The following TMEM170B variants were observed in gnomAD, a reference collection of about 807,000 sequenced individuals.
The protein encoded by TMEM170B is transmembrane protein 170B.
A neutral mutation model predicts 13.0 loss-of-function variants in TMEM170B; 6 were observed. The observed-to-expected ratio is 0.46, with a 90% CI of 0.25 to 0.91. The LOEUF is 0.91. Ranked by LOEUF, TMEM170B falls within the 40% of genes least tolerant of loss-of-function variation. The probability of loss-of-function intolerance (pLI) is 0.17; values close to 1 mark genes in which losing one functional copy is unlikely to be tolerated. For synonymous variants in TMEM170B, 61 were observed against 64.9 expected (o/e 0.94, Z 0.29); for missense variants, 138 against 165.2 (o/e 0.84, Z 0.90).
rs1445559641 is a variant in TMEM170B, at chr6:11,582,057, G to T, written c.*6496G>T. On this transcript the variant is annotated 3_prime_UTR_variant, in exon 3 of 3. Transcript: ENST00000379426. ...TTAGATGAACAAATAGGAAATTCAC[G>T]GTATTTTTTGTTTTAGCCATCCAAA... 2 of 152,018 alleles carry T rather than the reference G, an allele frequency of 1.3e-5. No individual in the cohort carries two copies. Among genetic ancestry groups the T allele is most frequent in the Non-Finnish European group, 2.9e-5 (2 of 67,978 alleles). The allele number at this position is 152,018 out of a possible 1,614,324, so 9.4% of individuals were successfully genotyped here.
intron 2 of TMEM170B, among the ~76,000 whole-genome samples, chr6:11,566,349 G>A (rs1225507761): frequency 6.6e-6 from 1 of 152,186 alleles, no homozygotes; most frequent in Non-Finnish European, 1.5e-5. Context: ...GTTTCCTGCT[G>A]TGCTGCCTCA....
At chr6:11,546,125 G>A (rs959519676) in intron 1 of TMEM170B, among the ~76,000 whole-genome samples, 2 of 151,204 alleles carry the variant, frequency 1.3e-5, no homozygotes, top group Admixed American at 6.6e-5. Context: ...CTCCCTGCCT[G>A]TCATTGCCCC....
chr6:11,568,917 A>G (rs890048473), intron 2 of TMEM170B, among the ~76,000 whole-genome samples: 7 of 152,080 alleles, frequency 4.6e-5, no homozygotes, highest in Non-Finnish European at 1.5e-5. Flanking sequence ...GATTTTTCAT[A>G]TAGTGTTTTT....
chr6:11,560,776 A>T (rs917078163), intron 1 of TMEM170B, among the ~76,000 whole-genome samples: 1 of 152,170 alleles, frequency 6.6e-6, no homozygotes, highest in Admixed American at 6.5e-5. Context: ...ACAGATATGA[A>T]AATGTACTTT....
chr6:11,542,652 CA>C (rs2113760765), intron 1 of TMEM170B, among the ~76,000 whole-genome samples: 3 of 152,304 alleles, frequency 2.0e-5, no homozygotes, highest in African/African-American at 7.2e-5. Flanking sequence ...CATCTCTTCT[CA>C]ACAGTGGCAG....
chr6:11,560,676 A>G (rs1311973613), intron 1 of TMEM170B, among the ~76,000 whole-genome samples: 2 of 152,052 alleles, frequency 1.3e-5, no homozygotes, highest in East Asian at 3.8e-4. Flanking sequence ...TTAAAATAGT[A>G]AAGAATGTAT....
Position 11,555,874 on chromosome 6 carries a change from A to G in TMEM170B, c.98-9792A>G, listed in dbSNP as rs181016729. ...AAGTCTCACTAAAGACTGAGGTACA[A>G]GGCCGGGCGCGGTGGCTCACGCCTG... On this transcript the variant is annotated intron_variant, in intron 1 of 2. Coordinates refer to ENST00000379426, the MANE Select transcript of TMEM170B (RefSeq NM_001100829.3). 5.0e-3 allele frequency among the ~76,000 whole-genome samples: 2 copies of G among 400 alleles called. 1 individual carries two copies. Among genetic ancestry groups the G allele is most frequent in the Non-Finnish European group, 1 (2 of 2 alleles). The allele number at this position is 400 out of a possible 152,430, so 0.3% of individuals were successfully genotyped here.
chr6:11,538,137 A>T lies in TMEM170B; in HGVS notation c.-141A>T. 1 of 183,290 alleles carries T rather than the reference A, an allele frequency of 5.5e-6. No individual in the cohort carries two copies. The highest frequency in any genetic ancestry group is 1.1e-5 in the Non-Finnish European group (1 of 93,154). 11.4% of individuals were successfully genotyped at this position (183,290 alleles called of 1,614,324 possible). A position where few individuals can be genotyped will look rare whatever the true frequency, so the allele number is the denominator to read the frequency against. On this transcript the variant is annotated 5_prime_UTR_variant, in exon 1 of 3. Transcript: ENST00000379426. Reference sequence around the variant, plus strand: ...GAGGCCCTCCGGCTGCAGCAGCAGCAGCGCCCGGCCCGGCGTCCCGCAGCC... The same window carrying T: ...GAGGCCCTCCGGCTGCAGCAGCAGCTGCGCCCGGCCCGGCGTCCCGCAGCC...
chr6:11,538,446 G>GTGTCCCCTCCC, intron 1 of TMEM170B, 72 bp downstream of exon 1: 1 of 1,176,506 alleles, frequency 8.5e-7, no homozygotes, highest in African/African-American at 1.6e-5. Context: ...CCTCGGGAGG[G>GTGTCCCCTCCC]GACACGCTCC....
chr6:11,574,046 A>T (rs1759840592), intron 2 of TMEM170B, among the ~76,000 whole-genome samples: 1 of 152,142 alleles, frequency 6.6e-6, no homozygotes, highest in Non-Finnish European at 1.5e-5. Flanking sequence ...ATATGAAGTG[A>T]TAGAATGATT....
chr6:11,543,990 A>AT (rs1406335421), intron 1 of TMEM170B, among the ~76,000 whole-genome samples: 2 of 152,182 alleles, frequency 1.3e-5, no homozygotes, highest in African/African-American at 4.8e-5. Context: ...ACATCTTAAC[A>AT]TTTTACAGCC....
At chr6:11,570,786 A>G (rs1230780073) in intron 2 of TMEM170B, among the ~76,000 whole-genome samples, 1 of 152,204 alleles carries the variant, frequency 6.6e-6, no homozygotes, top group Non-Finnish European at 1.5e-5. Context: ...GATGAGGGCT[A>G]CACCAGAACC....
chr6:11,560,257 T>G (rs980884338), intron 1 of TMEM170B, among the ~76,000 whole-genome samples: 1 of 151,886 alleles, frequency 6.6e-6, no homozygotes, highest in African/African-American at 2.4e-5. Flanking sequence ...CTCCACCTCC[T>G]GGGTTCACAC....
intron 1 of TMEM170B, among the ~76,000 whole-genome samples, chr6:11,546,365 GTTAAAAC>G (rs146319048): frequency 0.03 from 4,579 of 152,206 alleles, 85 homozygotes; most frequent in Middle Eastern, 0.061. Context: ...TAGTTAAAAA[GTTAAAAC>G]TTAAAAGTTT....
chr6:11,583,499 A>T lies in TMEM170B; in HGVS notation c.*7938A>T, dbSNP rs1759984754. 6.6e-6 allele frequency: 1 copy of T among 152,218 alleles called. No individual in the cohort carries two copies. The highest frequency in any genetic ancestry group is 6.5e-5 in the Admixed American group (1 of 15,280). The allele number at this position is 152,218 out of a possible 1,614,324, so 9.4% of individuals were successfully genotyped here. A position where few individuals can be genotyped will look rare whatever the true frequency, so the allele number is the denominator to read the frequency against. Reference sequence around the variant, plus strand: ...TATTCAATTTCATGCACTTATATATAAATAAACCTGTCTTTGAAAGCTTTA... The same window carrying T: ...TATTCAATTTCATGCACTTATATATTAATAAACCTGTCTTTGAAAGCTTTA... On this transcript the variant is annotated 3_prime_UTR_variant, in exon 3 of 3. Coordinates refer to ENST00000379426, the MANE Select transcript of TMEM170B (RefSeq NM_001100829.3).
At chr6:11,570,954 T>TA (rs1561689152) in intron 2 of TMEM170B, among the ~76,000 whole-genome samples, 1 of 152,220 alleles carries the variant, frequency 6.6e-6, no homozygotes, top group East Asian at 1.9e-4. Context: ...AAAATCACTT[T>TA]AAAAATGTGA....
intron 1 of TMEM170B, among the ~76,000 whole-genome samples, chr6:11,539,516 A>G (rs1759331025): frequency 6.6e-6 from 1 of 152,224 alleles, no homozygotes; most frequent in South Asian, 2.1e-4. Flanking sequence ...ATGGAATTAT[A>G]TACCACAAAA....
rs913049074 is a variant in TMEM170B, at chr6:11,575,330, CTT to C, written c.269-100_269-99del. On this transcript the variant is annotated intron_variant, in intron 2 of 2. Coordinates refer to ENST00000379426, the MANE Select transcript of TMEM170B (RefSeq NM_001100829.3). This position sits in a 1 kb window ranked among gnomAD's most constrained non-coding sequence, Gnocchi z 4.1. ...GGATAAAATGAGAAAAAAATGATGA[CTT>C]ATGTTTTGATGAAATGAAAAGAGCT... The C allele has an allele frequency of 8.3e-6, 12 of 1,438,758 alleles. No homozygotes were observed. In the African/African-American group the frequency reaches 8.6e-5, roughly 10 times the overall value. The allele number at this position is 1,438,758 out of a possible 1,614,324, so 89.1% of individuals were successfully genotyped here.
At chr6:11,540,045 T>A (rs530145951) in intron 1 of TMEM170B, among the ~76,000 whole-genome samples, 1 of 152,370 alleles carries the variant, frequency 6.6e-6, no homozygotes, top group East Asian at 1.9e-4. Flanking sequence ...AAAAATACTT[T>A]ATTGCTGAAA....
Sources: allele counts gnomAD v4.1 joint callset (sites outside exome capture counted in the v4.1 genomes callset), GRCh38; gene constraint gnomAD v4.1.1; non-coding constraint Gnocchi (gnomAD v3.1); transcripts MANE v1.5; gene names NCBI Gene and HGNC (gene_info 2026-07-23, HGNC 2026-07-21).